The following TNNI3K variants were observed in gnomAD, a reference collection of about 807,000 sequenced individuals.
TNNI3K encodes serine/threonine-protein kinase TNNI3K.
A neutral mutation model predicts 114.5 loss-of-function variants in TNNI3K; 140 were observed. The observed-to-expected ratio is 1.22, with a 90% CI of 1.07 to 1.41. The LOEUF is 1.41. Among genes scored for constraint, TNNI3K ranks in the 40% most tolerant of loss-of-function variants. The pLI is 0.00. For synonymous variants in TNNI3K, 347 were observed against 347.5 expected, an observed-to-expected ratio of 1.00 and a Z score of 0.02; for missense variants, 1,125 against 1,007.6, an observed-to-expected ratio of 1.12 and a Z score of -1.58.
intron 21 of TNNI3K, among the ~76,000 whole-genome samples, chr1:74,473,004 T>C (rs1668012059): frequency 6.6e-6 from 1 of 152,134 alleles, no homozygotes; most frequent in South Asian, 2.1e-4. Context: ...ACAGACCATA[T>C]CTACAGCCCT....
chr1:74,297,522 C>CATGTGTGTGT (rs1553128510), intron 5 of TNNI3K, among the ~76,000 whole-genome samples: 31 of 145,460 alleles, frequency 2.1e-4, no homozygotes, highest in African/African-American at 7.6e-4. Flanking sequence ...TGTGTGTGTG[C>CATGTGTGTGT]GTGTGTGTGT....
In TNNI3K at chr1:74,369,249, T is replaced by C; in HGVS notation, c.1457T>C (p.Ile486Thr). ...KVYKGRCRNK[I>T]VAIKRYRANT... is the part of the protein sequence containing the mutation. ...TATAAAGGACGATGCAGAAATAAAA[T>C]AGTGGCTATAAAACGGTAAGCAAGC... is the stretch of plus-strand genomic sequence containing the variant. Residue 486 changes from isoleucine to threonine, a missense_variant, in exon 15 of 25, where the codon ATA becomes ACA. Physicochemically the swap from Ile to Thr is moderately conservative, Grantham distance 89 (BLOSUM62 -1). Coordinates refer to ENST00000326637, the MANE Select transcript of TNNI3K (RefSeq NM_015978.3). 1 of 1,612,118 alleles carries C rather than the reference T, an allele frequency of 6.2e-7. No homozygotes were observed. The highest frequency in any genetic ancestry group is 8.5e-7 in the Non-Finnish European group (1 of 1,179,024).
chr1:74,513,667 T>C (rs1314795636), intron 23 of TNNI3K, among the ~76,000 whole-genome samples: 1 of 152,242 alleles, frequency 6.6e-6, no homozygotes, highest in Non-Finnish European at 1.5e-5. Flanking sequence ...TCATCCTTTT[T>C]GTTTCAGAGT....
At chr1:74,261,181 G>A (rs1035812835) in intron 4 of TNNI3K, among the ~76,000 whole-genome samples, 1 of 151,814 alleles carries the variant, frequency 6.6e-6, no homozygotes, top group Non-Finnish European at 1.5e-5. Context: ...TTCAGTTGAA[G>A]TGTCTATTCA....
intron 21 of TNNI3K, among the ~76,000 whole-genome samples, chr1:74,474,762 A>C (rs2100745761): frequency 6.6e-6 from 1 of 152,262 alleles, no homozygotes; most frequent in African/African-American, 2.4e-5. Flanking sequence ...ACAATGAATT[A>C]AGTCCTGACT....
chr1:74,359,500 A>G (rs1010065259), intron 11 of TNNI3K, among the ~76,000 whole-genome samples: 5 of 152,024 alleles, frequency 3.3e-5, no homozygotes, highest in Non-Finnish European at 7.4e-5. Context: ...CCCTGCATAT[A>G]TAAAAGTGTG....
chr1:74,235,758 G>T (rs550848940), intron 1 of TNNI3K, among the ~76,000 whole-genome samples: 34 of 150,970 alleles, frequency 2.3e-4, no homozygotes, highest in African/African-American at 8.2e-4. Context: ...TGAATGTAGG[G>T]ATTTTAGAAT....
chr1:74,364,306 A>C (rs1331983874), intron 11 of TNNI3K, among the ~76,000 whole-genome samples: 1 of 151,910 alleles, frequency 6.6e-6, no homozygotes, highest in African/African-American at 2.4e-5. Context: ...CCAAATTTTA[A>C]TTCCAAAGGA....
At chr1:74,297,899 A>C (rs563355880) in intron 5 of TNNI3K, among the ~76,000 whole-genome samples, 1 of 152,132 alleles carries the variant, frequency 6.6e-6, no homozygotes, top group East Asian at 1.9e-4. Context: ...AAACTGACTC[A>C]ACTTCTCAAT....
chr1:74,275,939 C>T (rs575463543), intron 5 of TNNI3K, among the ~76,000 whole-genome samples: 1 of 152,104 alleles, frequency 6.6e-6, no homozygotes, highest in East Asian at 1.9e-4. Flanking sequence ...GTGATTTTTC[C>T]CCCATAGGAA....
intron 5 of TNNI3K, among the ~76,000 whole-genome samples, chr1:74,284,430 A>C (rs908499778): frequency 1.3e-5 from 2 of 152,204 alleles, no homozygotes; most frequent in African/African-American, 4.8e-5. Flanking sequence ...CCCATCTGCT[A>C]CTTATCACTT....
At chr1:74,426,388 G>C (rs537292450) in intron 17 of TNNI3K, among the ~76,000 whole-genome samples, 1 of 152,180 alleles carries the variant, frequency 6.6e-6, no homozygotes, top group East Asian at 2.0e-4. Flanking sequence ...TGCCTGCTCT[G>C]TTGGGGTTGC....
chr1:74,476,862 T>C (rs1262185502), intron 21 of TNNI3K, among the ~76,000 whole-genome samples: 2 of 152,142 alleles, frequency 1.3e-5, no homozygotes, highest in East Asian at 1.9e-4. Flanking sequence ...AAAGGGAGGG[T>C]ATCAGGTCAT....
chr1:74,504,151 T>G (rs1463010550), intron 23 of TNNI3K, among the ~76,000 whole-genome samples: 1 of 152,244 alleles, frequency 6.6e-6, no homozygotes, highest in Non-Finnish European at 1.5e-5. Flanking sequence ...GGCTATAAAT[T>G]GATTGCTAGT....
intron 21 of TNNI3K, chr1:74,470,699 G>A (rs1009222278): frequency 2.5e-6 from 1 of 400,522 alleles, no homozygotes; most frequent in Non-Finnish European, 4.4e-6. Context: ...GATATTTGGG[G>A]TTTTGTCATT....
rs1258835706 is a variant in TNNI3K at position 74,369,584 on chromosome 1, A to T, written c.1666A>T (p.Arg556Trp). The change falls in exon 16 of 25, where the codon AGG (arginine) becomes TGG (tryptophan). Residue 556 changes from arginine (R) to tryptophan (W), a missense_variant and splice_region_variant. Coordinates refer to ENST00000326637, the MANE Select transcript of TNNI3K (RefSeq NM_015978.3). ...GTTCTCCCTCCTTCATGAGCAGAAG[A>T]GGTATGGGTCTTTTGTTCTGATTTA... ...SLFSLLHEQK[R>W]ILDLQSKLII... 1 of 1,600,318 alleles carries T rather than the reference A, an allele frequency of 6.2e-7. No individual in the cohort carries two copies. The highest frequency in any genetic ancestry group is 8.5e-7 in the Non-Finnish European group (1 of 1,174,376).
At chr1:74,525,287 AT>A (rs1256734682) in intron 23 of TNNI3K, among the ~76,000 whole-genome samples, 2 of 152,220 alleles carry the variant, frequency 1.3e-5, no homozygotes, top group Admixed American at 6.5e-5. Context: ...CTTTGCGTGT[AT>A]ACCATCTCAT....
At chr1:74,493,383 G>A (rs2100310052) in intron 23 of TNNI3K, among the ~76,000 whole-genome samples, 1 of 152,200 alleles carries the variant, frequency 6.6e-6, no homozygotes, top group South Asian at 2.1e-4. Flanking sequence ...GATGAAAACA[G>A]AAGCAAAAAC....
At chr1:74,483,376 C>G (rs1293527377) in intron 21 of TNNI3K, 2 of 717,000 alleles carry the variant, frequency 2.8e-6, no homozygotes, top group Non-Finnish European at 5.2e-6. Flanking sequence ...AGCCATCCAC[C>G]TGAAAGGAAA....
Sources: allele counts gnomAD v4.1 joint callset (sites outside exome capture counted in the v4.1 genomes callset), GRCh38; gene constraint gnomAD v4.1.1; transcripts MANE v1.5; gene names NCBI Gene and HGNC (gene_info 2026-07-23, HGNC 2026-07-21).